The following TCF4 variants were observed in gnomAD, a reference collection of about 807,000 sequenced individuals.
TCF4 encodes the protein transcription factor 4, also known as SL3-3 enhancer factor 2.
Under a neutral mutation model 82.1 loss-of-function variants are expected in TCF4, and 3 were observed. The observed-to-expected ratio is 0.04, with a 90% confidence interval of 0.02 to 0.09. The LOEUF is 0.09. Ranked by LOEUF, TCF4 falls within the 10% of genes least tolerant of loss-of-function variation. TCF4 has a pLI of 1.00. For synonymous variants in TCF4, 276 were observed against 309.6 expected (o/e 0.89, Z 1.14); for missense variants, 518 against 852.7 (o/e 0.61, Z 4.89).
intron 5 of TCF4, among the ~76,000 whole-genome samples, chr18:55,454,392 G>C (rs1432042353): frequency 6.6e-6 from 1 of 152,012 alleles, no homozygotes; most frequent in African/African-American, 2.4e-5. Context: ...TTAATGTATG[G>C]GCTTTTCATT....
chr18:55,576,387 T>C (rs1165779521), intron 3 of TCF4, among the ~76,000 whole-genome samples: 1 of 152,166 alleles, frequency 6.6e-6, no homozygotes, highest in East Asian at 1.9e-4. Flanking sequence ...GGAACTGGAT[T>C]ATAATCGGTA....
chr18:55,597,234 C>G (rs934390711), intron 2 of TCF4, among the ~76,000 whole-genome samples: 2 of 152,160 alleles, frequency 1.3e-5, no homozygotes, highest in African/African-American at 4.8e-5. Context: ...AATGTGAGAA[C>G]AGTCTAATGC....
chr18:55,588,079 C>A lies in TCF4; in HGVS notation c.-62G>T. On this transcript the variant is annotated 5_prime_UTR_variant, in exon 1 of 20. Transcript: ENST00000354452. ...GGGGCTCTCCGTGCACCGCCGGCGCCGAGGCGGCGTTCATGTCTAACCGCC... is the reference window on the plus strand; with the variant it reads ...GGGGCTCTCCGTGCACCGCCGGCGCAGAGGCGGCGTTCATGTCTAACCGCC... The A allele has an allele frequency of 1.0e-6, 1 of 995,308 alleles. No homozygotes were observed. The highest frequency in any genetic ancestry group is 1.1e-4 in the East Asian group (1 of 9,376). The allele number at this position is 995,308 out of a possible 1,614,324, so 61.7% of individuals were successfully genotyped here. A position where few individuals can be genotyped will look rare whatever the true frequency, so the allele number is the denominator to read the frequency against.
intron 2 of TCF4, among the ~76,000 whole-genome samples, chr18:55,614,173 G>A (rs2147968877): frequency 6.6e-6 from 1 of 152,274 alleles, no homozygotes; most frequent in South Asian, 2.1e-4. Flanking sequence ...GGGACTACAA[G>A]CATAAGCCAC....
chr18:55,634,025 TG>T (rs1336115825), intron 1 of TCF4, among the ~76,000 whole-genome samples: 1 of 152,162 alleles, frequency 6.6e-6, no homozygotes, highest in Non-Finnish European at 1.5e-5. Context: ...TCCCAGAACT[TG>T]GGGAGGCCAA....
intron 18 of TCF4, among the ~76,000 whole-genome samples, 170 bp from the exon 19 acceptor site, chr18:55,228,531 G>A (rs961308743): frequency 2.0e-5 from 3 of 152,182 alleles, no homozygotes; most frequent in African/African-American, 7.2e-5. Flanking sequence ...CTAGTAAAAG[G>A]TGAACTGCAT....
intron 5 of TCF4, among the ~76,000 whole-genome samples, chr18:55,437,559 T>G (rs1019804082): frequency 6.6e-6 from 1 of 152,200 alleles, no homozygotes; most frequent in African/African-American, 2.4e-5. Context: ...TGAAAAAGGA[T>G]TTAAAAATAA....
intron 10 of TCF4, 100 bp from the exon 11 acceptor site, chr18:55,270,063 G>A (rs752621561): frequency 3.0e-5 from 45 of 1,483,458 alleles, no homozygotes; most frequent in Non-Finnish European, 4.1e-5. Context: ...TTACAATGGA[G>A]ACAGCTTTTA....
chr18:55,565,366 C>A (rs1216912608), intron 3 of TCF4, among the ~76,000 whole-genome samples: 1 of 150,812 alleles, frequency 6.6e-6, no homozygotes, highest in Non-Finnish European at 1.5e-5. Context: ...TTGAAAGCAC[C>A]AAAAAATAAA....
At chr18:55,322,391 C>A (rs1429143234) in intron 8 of TCF4, 2 of 959,982 alleles carry the variant, frequency 2.1e-6, no homozygotes, top group Middle Eastern at 5.4e-4. Flanking sequence ...CCTGAGAACT[C>A]GACTCGGAGA....
intron 5 of TCF4, among the ~76,000 whole-genome samples, chr18:55,406,309 C>T (rs2094085575): frequency 6.6e-6 from 1 of 152,000 alleles, no homozygotes; most frequent in South Asian, 2.1e-4. Flanking sequence ...AATCTGCCCT[C>T]AGAGCCAGAA....
At chr18:55,234,028 C>T (rs1445955144) in intron 16 of TCF4, among the ~76,000 whole-genome samples, 1 of 152,028 alleles carries the variant, frequency 6.6e-6, no homozygotes, top group African/African-American at 2.4e-5. Context: ...AGCTGGCCAG[C>T]AATAGCCCAA....
chr18:55,276,341 T>TA (rs1286341065), intron 9 of TCF4, among the ~76,000 whole-genome samples: 1 of 152,162 alleles, frequency 6.6e-6, no homozygotes, highest in African/African-American at 2.4e-5. Flanking sequence ...TTTTGGTGTA[T>TA]AGGTATATAG....
intron 11 of TCF4, chr18:55,266,522 CT>C (rs1234506991): frequency 6.6e-6 from 1 of 152,006 alleles, no homozygotes; most frequent in Non-Finnish European, 1.5e-5. Context: ...ATTAGATGAC[CT>C]TTTCAATTCA....
At chr18:55,391,930 T>C (rs1445238667) in intron 6 of TCF4, among the ~76,000 whole-genome samples, 1 of 138,826 alleles carries the variant, frequency 7.2e-6, no homozygotes, top group South Asian at 2.6e-4. Flanking sequence ...AGAGTGAGAC[T>C]TCATCTAAAA....
intron 15 of TCF4, among the ~76,000 whole-genome samples, chr18:55,240,773 G>A (rs1444825808): frequency 6.6e-6 from 1 of 152,186 alleles, no homozygotes; most frequent in African/African-American, 2.4e-5. Context: ...ATTATCAGAT[G>A]ATTTTTCTTT....
intron 8 of TCF4, among the ~76,000 whole-genome samples, chr18:55,329,333 G>C (rs555566553): frequency 6.6e-6 from 1 of 152,224 alleles, no homozygotes; most frequent in South Asian, 2.1e-4. Flanking sequence ...TTAATCAAAA[G>C]CACTTATATA....
chr18:55,610,770 A>G (rs1159644881), intron 2 of TCF4, among the ~76,000 whole-genome samples: 2 of 152,248 alleles, frequency 1.3e-5, no homozygotes, highest in East Asian at 1.9e-4. Flanking sequence ...TAACCGCAAA[A>G]CTTGGCTCTG....
At chr18:55,435,828 T>C (rs945763579) in intron 5 of TCF4, among the ~76,000 whole-genome samples, 4 of 152,222 alleles carry the variant, frequency 2.6e-5, no homozygotes, top group Admixed American at 1.3e-4. Flanking sequence ...TGTCCCTCCC[T>C]GTAAGGAGCT....
Sources: gnomAD v4.1 joint callset for allele counts (sites outside exome capture counted in the v4.1 genomes callset) on GRCh38, gnomAD v4.1.1 for gene constraint, MANE v1.5 for transcripts, NCBI Gene and HGNC (gene_info 2026-07-23, HGNC 2026-07-21) for gene names.